Variants in DPY19L2 observed in about 807,000 individuals in gnomAD.
The protein encoded by DPY19L2 is probable C-mannosyltransferase DPY19L2.
A neutral mutation model predicts 97.9 loss-of-function variants in DPY19L2; 34 were observed. The ratio of observed to expected loss-of-function variants is 0.35; its 90% CI spans 0.26 to 0.46. DPY19L2 has a LOEUF of 0.46. Among genes scored for constraint, DPY19L2 ranks in the 20% least tolerant of loss-of-function variants. The pLI, the probability that DPY19L2 is intolerant of heterozygous loss-of-function variation, is 1.00. For missense variants in DPY19L2, 623 were observed against 911.4 expected (o/e 0.68, Z 4.07); for synonymous variants, 230 against 307.9 (o/e 0.75, Z 2.65).
At chr12:63,592,038 G>C (rs1199721067) in intron 16 of DPY19L2, among the ~76,000 whole-genome samples, 9 of 31,680 alleles carry the variant, frequency 2.8e-4, no homozygotes, top group East Asian at 8.4e-4. Flanking sequence ...GGGGAGGGGA[G>C]GGGAGGGAAC....
chr12:63,615,796 A>G (rs1887726265), intron 11 of DPY19L2, among the ~76,000 whole-genome samples: 1 of 152,116 alleles, frequency 6.6e-6, no homozygotes, highest in South Asian at 2.1e-4. Flanking sequence ...AGGCTTCTAC[A>G]CTCATTTAGA....
chr12:63,584,202 T>C (rs1464146168), intron 16 of DPY19L2: 4 of 158,404 alleles, frequency 2.5e-5, no homozygotes, highest in Non-Finnish European at 5.5e-5. Context: ...TTTTGAGTTA[T>C]TTTCATTTTT....
chr12:63,624,883 A>G (rs566567315), intron 7 of DPY19L2, among the ~76,000 whole-genome samples: 1 of 152,258 alleles, frequency 6.6e-6, no homozygotes, highest in South Asian at 2.1e-4. Flanking sequence ...AAAATTGTAA[A>G]TGTTGGAAGA....
chr12:63,636,989 T>C (rs190950574), intron 6 of DPY19L2, among the ~76,000 whole-genome samples: 244 of 152,282 alleles, frequency 1.6e-3, no homozygotes, highest in African/African-American at 5.5e-3. Context: ...TACATTCTTC[T>C]CAGCACCACA....
At chr12:63,643,907 CA>C (rs1893037999) in intron 6 of DPY19L2, among the ~76,000 whole-genome samples, 1 of 152,128 alleles carries the variant, frequency 6.6e-6, no homozygotes, top group African/African-American at 2.4e-5. Flanking sequence ...GGGGGCAAAA[CA>C]CACGACCGTT....
In DPY19L2 at chr12:63,561,478, T is replaced by C. The variant is rs2942658; in HGVS notation, c.2127-816A>G. On this transcript the variant is annotated intron_variant, in intron 21 of 21. Coordinates refer to ENST00000324472, the MANE Select transcript of DPY19L2 (RefSeq NM_173812.5). ...GGCAACTACTGTGCTTTCTGCACTA[T>C]AGTTTTGCTTTTTCTAGAATTTCAT... Among the ~76,000 whole-genome samples the C allele has an allele frequency of 3.9e-5, 6 of 152,322 alleles. No homozygotes were observed. In the East Asian group the frequency reaches 1.2e-3, roughly 29 times the overall value.
At chr12:63,667,358 A>G (rs1370726460) in intron 1 of DPY19L2, among the ~76,000 whole-genome samples, 1 of 152,158 alleles carries the variant, frequency 6.6e-6, no homozygotes, top group Non-Finnish European at 1.5e-5. Context: ...AAGATGCTCA[A>G]AATCTTTCTG....
chr12:63,570,292 A>G (rs1196060922), intron 20 of DPY19L2, among the ~76,000 whole-genome samples: 3 of 152,206 alleles, frequency 2.0e-5, no homozygotes, highest in African/African-American at 7.2e-5. Context: ...AATATATAAT[A>G]GCAACTTTCA....
intron 4 of DPY19L2, among the ~76,000 whole-genome samples, chr12:63,656,647 T>C (rs1374308603): frequency 6.6e-6 from 1 of 152,164 alleles, no homozygotes; most frequent in African/African-American, 2.4e-5. Flanking sequence ...TTCTTCCTCA[T>C]CCTTTCCTCT....
At chr12:63,595,453 G>A (rs1267968420) in intron 15 of DPY19L2, among the ~76,000 whole-genome samples, 3 of 152,086 alleles carry the variant, frequency 2.0e-5, no homozygotes, top group African/African-American at 7.2e-5. Flanking sequence ...CATGAAAACA[G>A]TGAACATGTA....
rs187363032 is a variant in DPY19L2 at position 63,566,328 on chromosome 12, T to C, written c.2126+2896A>G. Among the ~76,000 whole-genome samples, 456 of 152,218 alleles carry C rather than the reference T, an allele frequency of 3.0e-3. 3 individuals are homozygous for C. The highest frequency in any genetic ancestry group is 0.011 in the African/African-American group (447 of 41,542). On this transcript the variant is annotated intron_variant, in intron 21 of 21. Coordinates refer to ENST00000324472, the MANE Select transcript of DPY19L2 (RefSeq NM_173812.5). ...AGTCTTTAGACAGTGTCCTCCACCA[T>C]GGTAACATTTTGAACATTTGTATAA... is the stretch of plus-strand genomic sequence containing the variant.
At chr12:63,659,637 T>C (rs569172858) in intron 4 of DPY19L2, among the ~76,000 whole-genome samples, 38 of 152,126 alleles carry the variant, frequency 2.5e-4, no homozygotes, top group Middle Eastern at 3.2e-3. Flanking sequence ...AAGAGAATAA[T>C]AGAGTCCAGA....
chr12:63,668,659 T>G, upstream of DPY19L2: 2 of 468,554 alleles, frequency 4.3e-6, no homozygotes, highest in Non-Finnish European at 7.7e-6. Flanking sequence ...AGCGTGCAGC[T>G]TCCGGTGAGG....
chr12:63,633,695 C>T (rs573714838), intron 6 of DPY19L2, among the ~76,000 whole-genome samples: 50 of 152,152 alleles, frequency 3.3e-4, no homozygotes, highest in African/African-American at 9.4e-4. Context: ...ACCGTTTGAC[C>T]CAGCCATCCC....
intron 14 of DPY19L2, 131 bp downstream of exon 14, chr12:63,597,678 T>G (rs1462320097): frequency 2.6e-6 from 2 of 776,074 alleles, no homozygotes; most frequent in African/African-American, 1.8e-5. Flanking sequence ...GGAATGTAGA[T>G]TAGCAAAAGT....
At chr12:63,629,354 T>C (rs983988377) in intron 6 of DPY19L2, among the ~76,000 whole-genome samples, 16 of 151,804 alleles carry the variant, frequency 1.1e-4, no homozygotes, top group Admixed American at 1.0e-3. Flanking sequence ...GAATAACCAA[T>C]GCAGAGAAGT....
At chr12:63,640,672 T>A (rs764115654) in intron 6 of DPY19L2, among the ~76,000 whole-genome samples, 21 of 152,288 alleles carry the variant, frequency 1.4e-4, no homozygotes, top group Middle Eastern at 3.4e-3. Context: ...ACTCTGTATA[T>A]CCTTCTTAAA....
intron 12 of DPY19L2, among the ~76,000 whole-genome samples, chr12:63,600,771 C>T (rs1592518736): frequency 6.6e-6 from 1 of 151,500 alleles, no homozygotes; most frequent in East Asian, 1.9e-4. Flanking sequence ...TTATACATAT[C>T]CTAAATCTAA....
intron 7 of DPY19L2, 100 bp downstream of exon 7, chr12:63,626,369 T>C: frequency 7.6e-7 from 1 of 1,314,590 alleles, no homozygotes; most frequent in East Asian, 2.6e-5. Flanking sequence ...TATTGTGAAG[T>C]CATAAGTAGT....
Sources: allele counts gnomAD v4.1 joint callset (sites outside exome capture counted in the v4.1 genomes callset), GRCh38; gene constraint gnomAD v4.1.1; transcripts MANE v1.5; gene names NCBI Gene and HGNC (gene_info 2026-07-23, HGNC 2026-07-21).